STON2: variants seen among roughly 807,000 people sequenced by gnomAD.
STON2 encodes stonin-2.
A neutral mutation model predicts 65.7 loss-of-function variants in STON2; 29 were observed. The observed-to-expected ratio is 0.44, with a 90% confidence interval of 0.33 to 0.60. STON2 has a LOEUF of 0.60. STON2 is among the 20% of genes least tolerant of loss of function. The pLI is 0.03. For missense variants in STON2, 1,054 were observed against 1,118.1 expected (o/e 0.94, Z 0.82); for synonymous variants, 404 against 414.2 (o/e 0.98, Z 0.30).
intron 5 of STON2, among the ~76,000 whole-genome samples, chr14:81,290,577 G>A (rs1895517386): frequency 6.6e-6 from 1 of 152,114 alleles, no homozygotes; most frequent in Admixed American, 6.5e-5. Context: ...GGGGGTAAGG[G>A]TGCATACAGT....
At position 81,364,206 on chromosome 14, in the gene STON2, T is replaced by C. The variant is rs141160850; in HGVS notation, c.571+6782A>G. Among the ~76,000 whole-genome samples the C allele has an allele frequency of 3.4e-3, 516 of 152,170 alleles. 1 individual carries two copies. Among genetic ancestry groups the C allele is most frequent in the Non-Finnish European group, 4.9e-3 (335 of 68,002 alleles). On this transcript the variant is annotated intron_variant, in intron 4 of 7. Coordinates refer to ENST00000614646, the MANE Select transcript of STON2 (RefSeq NM_001394390.1). ...GGATATCCTACTGCTCTGGCAGGAG[T>C]CCACTGTGATCCGTTAAATGCAAAT... is the stretch of plus-strand genomic sequence containing the variant.
At chr14:81,345,222 A>G (rs1897766118) in intron 4 of STON2, among the ~76,000 whole-genome samples, 1 of 152,240 alleles carries the variant, frequency 6.6e-6, no homozygotes, top group Non-Finnish European at 1.5e-5. Flanking sequence ...TGTGTCCCAC[A>G]CAATACATGT....
intron 2 of STON2, among the ~76,000 whole-genome samples, chr14:81,415,903 C>A (rs1359562865): frequency 6.6e-6 from 1 of 152,196 alleles, no homozygotes; most frequent in Non-Finnish European, 1.5e-5. Flanking sequence ...ACATAGGTCT[C>A]TCTCCACCAC....
At chr14:81,293,196 A>G (rs1326432634) in intron 5 of STON2, among the ~76,000 whole-genome samples, 2 of 136,716 alleles carry the variant, frequency 1.5e-5, no homozygotes, top group Non-Finnish European at 3.1e-5. Flanking sequence ...TTTTTTTGAG[A>G]TGGAGTCTCG....
chr14:81,348,591 T>C lies in STON2; in HGVS notation c.571+22397A>G, dbSNP rs55948503. Among the ~76,000 whole-genome samples the C allele has an allele frequency of 7.7e-3, 1,178 of 152,160 alleles. 13 individuals carry two copies. The highest frequency in any genetic ancestry group is 0.025 in the African/African-American group (1,055 of 41,530). The stretch of plus-strand genomic sequence containing the variant: ...AACTACAAACCATTGATTAAAGAAA[T>C]TGAAGAGGACATCAAAAAAATGGAA... On this transcript the variant is annotated intron_variant, in intron 4 of 7. Transcript: ENST00000614646.
At chr14:81,270,616 A>C (rs771643400) in intron 7 of STON2, 54 bp downstream of exon 7, 1 of 1,614,104 alleles carries the variant, frequency 6.2e-7, no homozygotes, top group Admixed American at 1.7e-5. Flanking sequence ...GGGGGAGGGT[A>C]GTGGGGTGAA....
upstream of STON2, among the ~76,000 whole-genome samples, chr14:81,400,798 T>C (rs114410770): frequency 0.019 from 2,896 of 152,270 alleles, 113 homozygotes; most frequent in African/African-American, 0.067. Flanking sequence ...CTATACAGTC[T>C]TGGAGTCCTA....
chr14:81,411,887 A>C (rs73341986), intron 2 of STON2, among the ~76,000 whole-genome samples: 2,763 of 99,574 alleles, frequency 0.028, 715 homozygotes, highest in African/African-American at 0.14. Flanking sequence ...GGAATCTTAT[A>C]CATAGAGTGA....
rs200826224 is a variant in STON2 at position 81,270,867 on chromosome 14, C to A, written c.2587G>T (p.Gly863Cys). ...TGGCAAAAGAAACAGTGTGGGTGAC[C>A]GGAAGCTATGAAAGAAAGACAATCG... ...NRLPDKNSAS[G>C]HPHCFFCHLE... Residue 863 changes from glycine (G) to cysteine (C), a missense_variant, in exon 7 of 8, where the codon GGT becomes TGT. Gly to Cys is a radical substitution (Grantham distance 159). Transcript: ENST00000614646. The A allele has an allele frequency of 1.4e-4, 228 of 1,612,110 alleles. No homozygotes were observed. Among genetic ancestry groups the A allele is most frequent in the Admixed American group, 2.8e-4 (17 of 59,962 alleles).
chr14:81,355,898 A>G (rs368035016), intron 4 of STON2, among the ~76,000 whole-genome samples: 2,194 of 152,134 alleles, frequency 0.014, 31 homozygotes, highest in South Asian at 0.048. Flanking sequence ...CAGCTTAAGG[A>G]GATTTTGGGC....
intron 7 of STON2, chr14:81,269,467 C>T: frequency 1.0e-6 from 1 of 985,434 alleles, no homozygotes. Flanking sequence ...TTTGATAGCT[C>T]AGGCAAGGAA....
rs545725464 is a variant in STON2 at position 81,307,034 on chromosome 14, G to T, written c.742+16983C>A. Among the ~76,000 whole-genome samples the T allele has an allele frequency of 2.0e-5, 3 of 152,296 alleles. No homozygotes were observed. The South Asian group carries it at 6.2e-4, about 32-fold the overall frequency. ...GATCATGAATAGCAAGCATGGGGAG[G>T]TGCACACCTATAGAAACTCTGACTG... On this transcript the variant is annotated intron_variant, in intron 5 of 7. Transcript: ENST00000614646.
At chr14:81,279,862 T>G (rs1472411874) in intron 5 of STON2, among the ~76,000 whole-genome samples, 1 of 152,196 alleles carries the variant, frequency 6.6e-6, no homozygotes, top group Non-Finnish European at 1.5e-5. Context: ...TTAACACATG[T>G]TAATAAACAA....
chr14:81,340,117 G>A (rs554428419), intron 4 of STON2, among the ~76,000 whole-genome samples: 11 of 152,318 alleles, frequency 7.2e-5, no homozygotes, highest in Non-Finnish European at 1.5e-4. Context: ...TCGCGCCACC[G>A]CACTCCAGCC....
chr14:81,271,225 C>G (rs1289642633), intron 6 of STON2, among the ~76,000 whole-genome samples: 1 of 152,196 alleles, frequency 6.6e-6, no homozygotes, highest in African/African-American at 2.4e-5. Context: ...TGGAAGGGAT[C>G]AGCACTTAGC....
intron 4 of STON2, among the ~76,000 whole-genome samples, chr14:81,352,732 A>C (rs1305292984): frequency 6.6e-6 from 1 of 152,244 alleles, no homozygotes; most frequent in Admixed American, 6.5e-5. Context: ...AATAAAAAGC[A>C]TTACAGTTGT....
intron 4 of STON2, among the ~76,000 whole-genome samples, chr14:81,367,752 C>T (rs1003835142): frequency 1.3e-5 from 2 of 152,176 alleles, no homozygotes; most frequent in African/African-American, 2.4e-5. Flanking sequence ...CACTTCACTG[C>T]CCCTCATTTC....
intron 4 of STON2, chr14:81,333,313 G>A (rs749973624): frequency 4.2e-5 from 27 of 640,198 alleles, no homozygotes; most frequent in Admixed American, 1.1e-4. Flanking sequence ...CTCTGAAGTC[G>A]TTGGTTGGTC....
intron 5 of STON2, among the ~76,000 whole-genome samples, chr14:81,309,339 G>A (rs553335864): frequency 6.6e-5 from 10 of 152,136 alleles, no homozygotes; most frequent in Non-Finnish European, 8.8e-5. Flanking sequence ...AAAAAATTTA[G>A]TCTAGTCTGT....
Sources: allele counts gnomAD v4.1 joint callset (sites outside exome capture counted in the v4.1 genomes callset), GRCh38; gene constraint gnomAD v4.1.1; transcripts MANE v1.5; gene names NCBI Gene and HGNC (gene_info 2026-07-23, HGNC 2026-07-21).